ODAD2: variants seen among roughly 807,000 people sequenced by gnomAD.
The protein encoded by ODAD2 is outer dynein arm-docking complex subunit 2.
In ODAD2, 89 loss-of-function variants were observed where a neutral mutation model predicts 106.8. The ratio of observed to expected loss-of-function variants is 0.83; its 90% CI spans 0.70 to 0.99. ODAD2 has a LOEUF of 0.99. ODAD2 is among the 50% of genes least tolerant of loss of function. The pLI is 0.00. For synonymous variants in ODAD2, 404 were observed against 436.2 expected (o/e 0.93, Z 0.92); for missense variants, 1,168 against 1,238.5 (o/e 0.94, Z 0.85).
chr10:27,839,797 T>A (rs1235378622), intron 19 of ODAD2, among the ~76,000 whole-genome samples: 1 of 152,368 alleles, frequency 6.6e-6, no homozygotes, highest in East Asian at 1.9e-4. Flanking sequence ...AAGTGAAGAC[T>A]GTTTTGCACA....
chr10:27,826,011 T>C (rs889293791), intron 19 of ODAD2, among the ~76,000 whole-genome samples: 1 of 152,210 alleles, frequency 6.6e-6, no homozygotes, highest in Non-Finnish European at 1.5e-5. Context: ...TCAACTCCAT[T>C]GATCTTCACT....
At chr10:27,862,265 C>A (rs1386508182) in intron 18 of ODAD2, among the ~76,000 whole-genome samples, 169 bp downstream of exon 18, 1 of 152,162 alleles carries the variant, frequency 6.6e-6, no homozygotes, top group African/African-American at 2.4e-5. Context: ...TACGCTTTCA[C>A]ATATATTAGT....
At chr10:27,818,408 C>A (rs1029144325) in intron 19 of ODAD2, among the ~76,000 whole-genome samples, 3 of 152,106 alleles carry the variant, frequency 2.0e-5, no homozygotes, top group African/African-American at 7.2e-5. Flanking sequence ...CCTGTCTTGA[C>A]TCCATTGTTA....
At chr10:27,987,936 T>C (rs796181950) in intron 2 of ODAD2, among the ~76,000 whole-genome samples, 11 of 151,800 alleles carry the variant, frequency 7.2e-5, no homozygotes, top group African/African-American at 2.7e-4. Flanking sequence ...ATTTTATTTA[T>C]AAAATTTTTA....
At chr10:27,902,360 C>T (rs1019294363) in intron 17 of ODAD2, among the ~76,000 whole-genome samples, 1 of 151,522 alleles carries the variant, frequency 6.6e-6, no homozygotes, top group African/African-American at 2.4e-5. Context: ...GATCTAAAAT[C>T]GACACCCTAA....
In ODAD2 at chr10:27,862,506, T is replaced by C; in HGVS notation, c.2727A>G (p.Ala909=). 3.1e-6 allele frequency: 5 copies of C among 1,612,962 alleles called. No individual in the cohort carries two copies. Among genetic ancestry groups the C allele is most frequent in the Non-Finnish European group, 4.2e-6 (5 of 1,179,536 alleles). Residue 909 remains alanine (A), a synonymous_variant, in exon 18 of 20, where the codon GCA becomes GCG. Transcript: ENST00000305242. ...ASVCAAITNI[A]KDQENLAVIT... ...TAACAGCTAAATTTTCTTGATCTTT[T>C]GCTATGTTGGTAATGGCAGCACATA...
chr10:27,930,271 T>C (rs1845519203), intron 16 of ODAD2, among the ~76,000 whole-genome samples: 1 of 152,152 alleles, frequency 6.6e-6, no homozygotes, highest in Admixed American at 6.5e-5. Flanking sequence ...TGACCAGGCA[T>C]GGTGGCTCAC....
At chr10:27,997,264 T>G (rs893190248) in intron 1 of ODAD2, among the ~76,000 whole-genome samples, 8 of 152,236 alleles carry the variant, frequency 5.3e-5, no homozygotes, top group African/African-American at 1.9e-4. Context: ...GTGAGACTCT[T>G]GAATTTCCCA....
chr10:27,943,710 G>A lies in ODAD2; in HGVS notation c.1743+512C>T, dbSNP rs192877934. On this transcript the variant is annotated intron_variant, in intron 12 of 19. Coordinates refer to ENST00000305242, the MANE Select transcript of ODAD2 (RefSeq NM_018076.5). Reference sequence around the variant, plus strand: ...GCTGAGACAGGAAAATTGCTTGAACGCTTGAACCCCGTAGGCGGAGGTTGC... The same window carrying A: ...GCTGAGACAGGAAAATTGCTTGAACACTTGAACCCCGTAGGCGGAGGTTGC... 2.6e-3 allele frequency among the ~76,000 whole-genome samples: 360 copies of A among 140,428 alleles called. 2 individuals are homozygous for A. Among genetic ancestry groups the A allele is most frequent in the Non-Finnish European group, 4.5e-3 (299 of 66,072 alleles). 92.1% of individuals were successfully genotyped at this position (140,428 alleles called of 152,430 possible). A position where few individuals can be genotyped will look rare whatever the true frequency, so the allele number is the denominator to read the frequency against.
intron 14 of ODAD2, 110 bp from the exon 15 acceptor site, chr10:27,936,990 C>A (rs1846029399): frequency 3.6e-6 from 4 of 1,106,604 alleles, no homozygotes; most frequent in African/African-American, 1.6e-5. Context: ...CTAGAGAGAT[C>A]ATTTTCGAAA....
At chr10:27,812,784 G>C (rs2132711486) in intron 19 of ODAD2, among the ~76,000 whole-genome samples, 159 bp from the exon 20 acceptor site, 1 of 152,302 alleles carries the variant, frequency 6.6e-6, no homozygotes, top group African/African-American at 2.4e-5. Context: ...TATAAACAGT[G>C]TTTAATCTGA....
intron 17 of ODAD2, among the ~76,000 whole-genome samples, chr10:27,883,765 A>C (rs925824758): frequency 6.6e-6 from 1 of 152,204 alleles, no homozygotes; most frequent in South Asian, 2.1e-4. Context: ...TTTAGTTGAA[A>C]GTACAATAAC....
Position 27,859,082 on chromosome 10 carries a change from G to C in ODAD2, c.3021+1543C>G, listed in dbSNP as rs575784531. 5.0e-4 allele frequency among the ~76,000 whole-genome samples: 76 copies of C among 150,672 alleles called. 1 individual carries two copies. The South Asian group carries it at 0.015, about 30-fold the overall frequency. ...TTTTTTTTTTAAGACTGCATACTTAGGTTGTGCAAGTCCCTGTTCAATAAA... is the reference window on the plus strand; with the variant it reads ...TTTTTTTTTTAAGACTGCATACTTACGTTGTGCAAGTCCCTGTTCAATAAA... On this transcript the variant is annotated intron_variant, in intron 19 of 19. Coordinates refer to ENST00000305242, the MANE Select transcript of ODAD2 (RefSeq NM_018076.5).
chr10:27,813,322 C>T (rs1835882491), intron 19 of ODAD2: 1 of 152,164 alleles, frequency 6.6e-6, no homozygotes, highest in African/African-American at 2.4e-5. Context: ...AACTAAAGGC[C>T]ATTTATTCCT....
chr10:27,831,284 T>G lies in ODAD2; in HGVS notation c.3022-18659A>C, dbSNP rs574095418. Reference sequence around the variant, plus strand: ...ATTGGAGGCAACATTTATAAAATATTAAATCTGTACATTTTTTCATCATCA... The same window carrying G: ...ATTGGAGGCAACATTTATAAAATATGAAATCTGTACATTTTTTCATCATCA... On this transcript the variant is annotated intron_variant, in intron 19 of 19. Transcript: ENST00000305242. 5.3e-5 allele frequency among the ~76,000 whole-genome samples: 8 copies of G among 152,264 alleles called. No homozygotes were observed. The East Asian group carries it at 1.5e-3, about 29-fold the overall frequency.
intron 16 of ODAD2, among the ~76,000 whole-genome samples, chr10:27,908,406 T>C (rs1843747956): frequency 6.6e-6 from 1 of 152,170 alleles, no homozygotes; most frequent in Non-Finnish European, 1.5e-5. Flanking sequence ...AAATGAATTA[T>C]CATCAGAGCC....
At chr10:27,884,175 A>G (rs1458790656) in intron 17 of ODAD2, among the ~76,000 whole-genome samples, 1 of 152,136 alleles carries the variant, frequency 6.6e-6, no homozygotes, top group South Asian at 2.1e-4. Flanking sequence ...TGCAAGAGAA[A>G]ATGACTCAAA....
intron 4 of ODAD2, among the ~76,000 whole-genome samples, chr10:27,984,588 T>C (rs964701704): frequency 6.6e-6 from 1 of 152,184 alleles, no homozygotes; most frequent in African/African-American, 2.4e-5. Flanking sequence ...CTACATGATA[T>C]CTGCATTATA....
intron 17 of ODAD2, among the ~76,000 whole-genome samples, chr10:27,886,505 T>C (rs1007156285): frequency 6.6e-6 from 1 of 151,998 alleles, no homozygotes; most frequent in African/African-American, 2.4e-5. Context: ...ACACAAGAGA[T>C]GCAAAAGAGA....
Sources: allele counts gnomAD v4.1 joint callset (sites outside exome capture counted in the v4.1 genomes callset), GRCh38; gene constraint gnomAD v4.1.1; transcripts MANE v1.5; gene names NCBI Gene and HGNC (gene_info 2026-07-23, HGNC 2026-07-21).